IMMP2L: variants seen among roughly 807,000 people sequenced by gnomAD.
IMMP2L encodes the protein inner mitochondrial membrane peptidase subunit 2.
In IMMP2L, 18 loss-of-function variants were observed where a neutral mutation model predicts 19.3. The ratio of observed to expected loss-of-function variants is 0.93; its 90% confidence interval spans 0.64 to 1.38. The LOEUF (loss-of-function observed/expected upper bound fraction) is 1.38. Ranked by LOEUF, IMMP2L falls within the 40% of genes most tolerant of loss-of-function variation. The probability of loss-of-function intolerance (pLI) is 0.00; values close to 1 mark genes in which losing one functional copy is unlikely to be tolerated. For missense variants in IMMP2L, 233 were observed against 218.2 expected, an observed-to-expected ratio of 1.07 and a Z score of -0.43; for synonymous variants, 76 against 73.0, an observed-to-expected ratio of 1.04 and a Z score of -0.21.
At chr7:111,021,138 C>A (rs1454224137) in intron 3 of IMMP2L, among the ~76,000 whole-genome samples, 5 of 152,160 alleles carry the variant, frequency 3.3e-5, no homozygotes, top group African/African-American at 9.7e-5. Flanking sequence ...AGTGGGTGAA[C>A]AATACACTAT....
At chr7:111,158,547 C>T (rs1804898453) in intron 3 of IMMP2L, among the ~76,000 whole-genome samples, 1 of 152,124 alleles carries the variant, frequency 6.6e-6, no homozygotes, top group Admixed American at 6.6e-5. Context: ...ATTTAACTTT[C>T]ATCCAAAACT....
At chr7:110,982,927 C>T (rs1821455316) in intron 3 of IMMP2L, among the ~76,000 whole-genome samples, 1 of 151,916 alleles carries the variant, frequency 6.6e-6, no homozygotes, top group African/African-American at 2.4e-5. Flanking sequence ...TCTTAGTTTC[C>T]CAAAACAGAA....
At chr7:110,872,118 T>C (rs990077186) in intron 5 of IMMP2L, among the ~76,000 whole-genome samples, 1 of 152,128 alleles carries the variant, frequency 6.6e-6, no homozygotes, top group Admixed American at 6.6e-5. Context: ...TGAATTTGCA[T>C]AGGTTGCAAG....
chr7:111,489,101 T>C (rs1842891746), intron 2 of IMMP2L, among the ~76,000 whole-genome samples: 1 of 145,422 alleles, frequency 6.9e-6, no homozygotes, highest in African/African-American at 2.6e-5. Flanking sequence ...TGGAGTGCAG[T>C]GGCATCATCT....
chr7:111,072,901 CAAAA>C (rs34223033), intron 3 of IMMP2L, among the ~76,000 whole-genome samples: 1,010 of 72,888 alleles, frequency 0.014, 14 homozygotes, highest in African/African-American at 0.043. Flanking sequence ...AGACTGTCTC[CAAAA>C]AAAAAAAAAA....
intron 3 of IMMP2L, among the ~76,000 whole-genome samples, chr7:111,363,381 G>A (rs1181632705): frequency 4.6e-5 from 7 of 151,986 alleles, no homozygotes; most frequent in Non-Finnish European, 2.9e-5. Flanking sequence ...TGAGAAGCAC[G>A]GACCTAAGAA....
intron 3 of IMMP2L, among the ~76,000 whole-genome samples, chr7:111,318,027 A>G (rs1824290575): frequency 1.3e-5 from 2 of 152,170 alleles, no homozygotes; most frequent in Admixed American, 1.3e-4. Context: ...AATAAATATT[A>G]ACAGAATATA....
chr7:111,306,169 A>C (rs1409205912), intron 3 of IMMP2L, among the ~76,000 whole-genome samples: 3 of 152,176 alleles, frequency 2.0e-5, no homozygotes, highest in Non-Finnish European at 2.9e-5. Context: ...ATCATCAAAA[A>C]AATTTATAAA....
At chr7:111,528,009 CATA>C (rs1362160057) in intron 1 of IMMP2L, among the ~76,000 whole-genome samples, 1 of 152,134 alleles carries the variant, frequency 6.6e-6, no homozygotes, top group African/African-American at 2.4e-5. Context: ...ACCTATATTT[CATA>C]ATAATAAAAC....
At chr7:111,527,049 A>G (rs1267430032) in intron 1 of IMMP2L, among the ~76,000 whole-genome samples, 1 of 152,106 alleles carries the variant, frequency 6.6e-6, no homozygotes, top group Non-Finnish European at 1.5e-5. Context: ...CTGGTCCCCA[A>G]AAAGGAGCAT....
chr7:111,514,390 G>T lies in IMMP2L; in HGVS notation c.135+6923C>A, dbSNP rs913843736. 2.6e-5 allele frequency among the ~76,000 whole-genome samples: 4 copies of T among 151,846 alleles called. No individual in the cohort carries two copies. In the East Asian group the frequency reaches 7.7e-4, roughly 29 times the overall value. On this transcript the variant is annotated intron_variant, in intron 2 of 5. Transcript: ENST00000405709. ...GTGGTGGGGTTGGGGGATGGGGGAG[G>T]GATAGCATTAGGAGATATACCTAAT...
chr7:110,681,644 C>T (rs1792726054), intron 5 of IMMP2L, among the ~76,000 whole-genome samples: 1 of 152,160 alleles, frequency 6.6e-6, no homozygotes, highest in Non-Finnish European at 1.5e-5. Flanking sequence ...CAAAGGCCTA[C>T]TACATGCAAA....
At chr7:111,098,157 T>C (rs1797598825) in intron 3 of IMMP2L, among the ~76,000 whole-genome samples, 1 of 151,852 alleles carries the variant, frequency 6.6e-6, no homozygotes, top group South Asian at 2.1e-4. Flanking sequence ...CATTATAAGA[T>C]ATAAACATCA....
intron 3 of IMMP2L, among the ~76,000 whole-genome samples, chr7:111,039,188 C>G (rs1791643438): frequency 6.6e-6 from 1 of 152,078 alleles, no homozygotes; most frequent in African/African-American, 2.4e-5. Context: ...ACCATCAATT[C>G]AAAACATGTA....
intron 3 of IMMP2L, among the ~76,000 whole-genome samples, chr7:111,365,487 TG>T (rs1829681637): frequency 6.6e-6 from 1 of 152,090 alleles, no homozygotes; most frequent in Admixed American, 6.6e-5. Flanking sequence ...AAGAATACTA[TG>T]ATAAATATAT....
intron 5 of IMMP2L, among the ~76,000 whole-genome samples, chr7:110,867,560 A>T (rs1808103063): frequency 6.6e-6 from 1 of 152,078 alleles, no homozygotes; most frequent in African/African-American, 2.4e-5. Context: ...GACCTGAAAG[A>T]TGATAAATAA....
chr7:111,249,241 C>G (rs557302386), intron 3 of IMMP2L, among the ~76,000 whole-genome samples: 1 of 102,702 alleles, frequency 9.7e-6, no homozygotes, highest in Admixed American at 1.1e-4. Context: ...TTTCTTAAGC[C>G]GGTCTGAAAA....
intron 1 of IMMP2L, among the ~76,000 whole-genome samples, chr7:111,534,934 T>C (rs1369451467): frequency 3.3e-5 from 5 of 152,132 alleles, no homozygotes; most frequent in East Asian, 1.9e-4. Context: ...TTTGATGAAA[T>C]TGGTCTGTAT....
At chr7:110,961,317 T>G (rs935043605) in intron 4 of IMMP2L, among the ~76,000 whole-genome samples, 2 of 151,866 alleles carry the variant, frequency 1.3e-5, no homozygotes, top group South Asian at 2.1e-4. Flanking sequence ...ACTATGCACA[T>G]CCCCAATATC....
Sources: allele counts gnomAD v4.1 joint callset (sites outside exome capture counted in the v4.1 genomes callset), GRCh38; gene constraint gnomAD v4.1.1; transcripts MANE v1.5; gene names NCBI Gene and HGNC (gene_info 2026-07-23, HGNC 2026-07-21).